Variants in PDE4D observed in about 807,000 individuals in gnomAD.
PDE4D encodes 3',5'-cyclic-AMP phosphodiesterase 4D.
Under a neutral mutation model 87.4 loss-of-function variants are expected in PDE4D, and 24 were observed. That is an observed-to-expected ratio of 0.27 (90% CI 0.20 to 0.39). The LOEUF (loss-of-function observed/expected upper bound fraction) is 0.39. Among genes scored for constraint, PDE4D ranks in the 10% least tolerant of loss-of-function variants. The pLI is 1.00. For synonymous variants in PDE4D, 384 were observed against 383.2 expected (o/e 1.00, Z -0.02); for missense variants, 714 against 1,041.0 (o/e 0.69, Z 4.32).
chr5:59,587,771 G>A (rs922568528), intron 1 of PDE4D, among the ~76,000 whole-genome samples: 3 of 152,178 alleles, frequency 2.0e-5, no homozygotes, highest in Admixed American at 6.5e-5. Context: ...GGGGTTAAAG[G>A]AATAGCTCGC....
intron 3 of PDE4D, among the ~76,000 whole-genome samples, chr5:59,932,338 G>A (rs1402956482): frequency 1.3e-5 from 2 of 152,190 alleles, no homozygotes; most frequent in Non-Finnish European, 2.9e-5. Context: ...AGTGGCAGGA[G>A]GAGTCTCTGA....
At chr5:59,928,207 T>A (rs1755492565) in intron 3 of PDE4D, among the ~76,000 whole-genome samples, 1 of 152,194 alleles carries the variant, frequency 6.6e-6, no homozygotes, top group Non-Finnish European at 1.5e-5. Flanking sequence ...GGCCAGACAT[T>A]AAAATGAAAG....
At chr5:60,214,410 T>C (rs1414847284) in intron 1 of PDE4D, among the ~76,000 whole-genome samples, 3 of 152,222 alleles carry the variant, frequency 2.0e-5, no homozygotes, top group Non-Finnish European at 1.5e-5. Context: ...ACATAACTTA[T>C]AGAATATTTT....
intron 1 of PDE4D, among the ~76,000 whole-genome samples, chr5:59,400,418 T>G (rs1790365430): frequency 2.1e-5 from 3 of 146,102 alleles, no homozygotes; most frequent in Admixed American, 6.9e-5. Context: ...AAATGATGAG[T>G]TCATGTCCTT....
Position 58,974,547 on chromosome 5 carries a change from T to C in PDE4D, c.*117A>G, listed in dbSNP as rs1743229242. ...ACTGAGTAGTCAAGGTCAGTTTTGT[T>C]CAACAAACGTCCTGGCAGATGACAG... On this transcript the variant is annotated 3_prime_UTR_variant, in exon 15 of 15. Transcript: ENST00000340635. The C allele has an allele frequency of 4.0e-6, 4 of 1,000,288 alleles. No individual in the cohort carries two copies. Among genetic ancestry groups the C allele is most frequent in the Non-Finnish European group, 1.5e-6 (1 of 683,852 alleles). The allele number at this position is 1,000,288 out of a possible 1,614,324, so 62.0% of individuals were successfully genotyped here.
chr5:59,938,880 G>T (rs1756893206), intron 3 of PDE4D, among the ~76,000 whole-genome samples: 1 of 152,114 alleles, frequency 6.6e-6, no homozygotes. Flanking sequence ...ACTTCTACTG[G>T]TCACATGTAT....
At chr5:59,940,230 C>T (rs1043874812) in intron 3 of PDE4D, among the ~76,000 whole-genome samples, 1 of 152,300 alleles carries the variant, frequency 6.6e-6, no homozygotes, top group South Asian at 2.1e-4. Flanking sequence ...TCAAGCACCA[C>T]AGGAGTTTCG....
At chr5:58,985,232 G>A (rs1208961240) in intron 11 of PDE4D, among the ~76,000 whole-genome samples, 3 of 152,054 alleles carry the variant, frequency 2.0e-5, no homozygotes, top group Non-Finnish European at 2.9e-5. Flanking sequence ...TTATTTATAT[G>A]CATCATCCTT....
At chr5:59,527,755 A>G (rs978294579) in intron 1 of PDE4D, among the ~76,000 whole-genome samples, 11 of 152,280 alleles carry the variant, frequency 7.2e-5, no homozygotes, top group South Asian at 2.1e-4. Flanking sequence ...TATTGTCAAC[A>G]TTTCTGAGTC....
At chr5:60,221,533 T>C (rs1338646175) in intron 1 of PDE4D, among the ~76,000 whole-genome samples, 1 of 152,104 alleles carries the variant, frequency 6.6e-6, no homozygotes, top group Non-Finnish European at 1.5e-5. Flanking sequence ...AACATAAGTG[T>C]ACTGTTGAGT....
At chr5:60,419,721 GAGTAACT>G (rs1207196198) in intron 1 of PDE4D, among the ~76,000 whole-genome samples, 1 of 152,156 alleles carries the variant, frequency 6.6e-6, no homozygotes, top group Non-Finnish European at 1.5e-5. Context: ...AGCTATGATA[GAGTAACT>G]AGTAACAGAT....
chr5:59,534,102 A>G (rs936157208), intron 1 of PDE4D, among the ~76,000 whole-genome samples: 2 of 152,230 alleles, frequency 1.3e-5, no homozygotes, highest in Non-Finnish European at 2.9e-5. Context: ...CATTGTATAT[A>G]TTAAGAAATG....
chr5:59,841,527 T>A (rs1742989402), intron 1 of PDE4D, among the ~76,000 whole-genome samples: 1 of 152,204 alleles, frequency 6.6e-6, no homozygotes, highest in Non-Finnish European at 1.5e-5. Context: ...TCAACTATTA[T>A]TAAATGCCTA....
In PDE4D at chr5:58,983,538, C is replaced by A. The variant is rs370329501; in HGVS notation, c.1552+4955G>T. Among the ~76,000 whole-genome samples, 12 of 152,338 alleles carry A rather than the reference C, an allele frequency of 7.9e-5. 1 individual carries two copies. The East Asian group carries it at 1.4e-3, about 17-fold the overall frequency. On this transcript the variant is annotated intron_variant, in intron 11 of 14. Coordinates refer to ENST00000340635, the MANE Select transcript of PDE4D (RefSeq NM_001104631.2). ...TCAGTCAGTATCTCCTAAGGCCCAG[C>A]AGCAGGCCTATATCTTTCTTTCAAA...
At chr5:60,292,723 G>T (rs932263083) in intron 1 of PDE4D, among the ~76,000 whole-genome samples, 3 of 152,062 alleles carry the variant, frequency 2.0e-5, no homozygotes, top group African/African-American at 7.2e-5. Context: ...CTAATTAGAC[G>T]AACAGGTCCT....
intron 1 of PDE4D, among the ~76,000 whole-genome samples, chr5:59,801,942 A>G (rs1324328780): frequency 2.6e-5 from 4 of 152,212 alleles, no homozygotes; most frequent in African/African-American, 9.6e-5. Flanking sequence ...CAACGTGCAA[A>G]TGACAGTTCA....
chr5:60,370,500 A>G (rs1760929374), intron 1 of PDE4D, among the ~76,000 whole-genome samples: 1 of 152,214 alleles, frequency 6.6e-6, no homozygotes, highest in Admixed American at 6.5e-5. Context: ...AGGCAAGAAT[A>G]CAAATCAACC....
At chr5:58,987,896 C>T (rs138010924) in intron 11 of PDE4D, among the ~76,000 whole-genome samples, 95 of 152,248 alleles carry the variant, frequency 6.2e-4, no homozygotes, top group Middle Eastern at 6.8e-3. Context: ...GCTTTCTGTG[C>T]GGCAATGTCA....
At chr5:59,008,440 T>C (rs1187699563) in intron 6 of PDE4D, among the ~76,000 whole-genome samples, 2 of 152,042 alleles carry the variant, frequency 1.3e-5, no homozygotes, top group African/African-American at 2.4e-5. Flanking sequence ...CACTTTAATA[T>C]GTGCATCTTA....
Sources: allele counts gnomAD v4.1 joint callset (sites outside exome capture counted in the v4.1 genomes callset), GRCh38; gene constraint gnomAD v4.1.1; transcripts MANE v1.5; gene names NCBI Gene and HGNC (gene_info 2026-07-23, HGNC 2026-07-21).